Variants in FRMD4B observed in about 807,000 individuals in gnomAD.
FRMD4B encodes the protein FERM domain containing 4B, also known as FERM domain-containing protein 4B.
A neutral mutation model predicts 141.5 loss-of-function variants in FRMD4B; 74 were observed. The ratio of observed to expected loss-of-function variants is 0.52; its 90% CI spans 0.43 to 0.63. The LOEUF is 0.63. Among genes scored for constraint, FRMD4B ranks in the 30% least tolerant of loss-of-function variants. FRMD4B has a pLI of 0.00. For missense variants in FRMD4B, 1,366 were observed against 1,253.4 expected, an observed-to-expected ratio of 1.09 and a Z score of -1.36; for synonymous variants, 506 against 467.9, an observed-to-expected ratio of 1.08 and a Z score of -1.05.
Position 69,187,780 on chromosome 3 carries a change from T to G in FRMD4B, c.1909A>C (p.Arg637=). 1.9e-6 allele frequency: 3 copies of G among 1,612,126 alleles called. No individual in the cohort carries two copies. Among genetic ancestry groups the G allele is most frequent in the Non-Finnish European group, 2.5e-6 (3 of 1,179,130 alleles). ...GATATGACCTCTCACCTGGACTGCCTGGTATCCACAAACTGTTCATTGATG... is the reference window on the plus strand; with the variant it reads ...GATATGACCTCTCACCTGGACTGCCGGGTATCCACAAACTGTTCATTGATG... ...SSINEQFVDT[R]QSREMLSTHS... is the part of the protein sequence containing the mutation. The change falls in exon 19 of 23, where the codon AGG becomes CGG. Residue 637 remains arginine (R), a synonymous_variant. Transcript: ENST00000398540.
intron 5 of FRMD4B, among the ~76,000 whole-genome samples, chr3:69,279,164 T>C (rs1041260826): frequency 6.6e-6 from 1 of 152,120 alleles, no homozygotes; most frequent in Non-Finnish European, 1.5e-5. Context: ...GGAAGGTATA[T>C]TTGCTAAGTA....
chr3:69,502,870 C>T (rs1036119345), intron 1 of FRMD4B, among the ~76,000 whole-genome samples: 2 of 152,096 alleles, frequency 1.3e-5, no homozygotes, highest in South Asian at 2.1e-4. Flanking sequence ...AAAAAGTGGG[C>T]AAAGGATATG....
At chr3:69,204,491 C>A (rs531288394) in intron 11 of FRMD4B, among the ~76,000 whole-genome samples, 1 of 152,266 alleles carries the variant, frequency 6.6e-6, no homozygotes, top group South Asian at 2.1e-4. Flanking sequence ...GTGACTCACA[C>A]GGTGGGGGAT....
intron 1 of FRMD4B, among the ~76,000 whole-genome samples, chr3:69,487,188 A>C (rs954400872): frequency 6.6e-6 from 1 of 152,224 alleles, no homozygotes; most frequent in Non-Finnish European, 1.5e-5. Flanking sequence ...GTGCTGGAGC[A>C]GTCTCATAGA....
chr3:69,444,009 A>G (rs1016253460), intron 1 of FRMD4B, among the ~76,000 whole-genome samples: 2 of 151,794 alleles, frequency 1.3e-5, no homozygotes, highest in South Asian at 2.1e-4. Context: ...TTTGATGACT[A>G]ACTTCACCCA....
intron 21 of FRMD4B, among the ~76,000 whole-genome samples, chr3:69,178,523 T>TA (rs1477538031): frequency 6.6e-6 from 1 of 151,804 alleles, no homozygotes; most frequent in Non-Finnish European, 1.5e-5. Context: ...AAAAATAAAA[T>TA]TAGCCAGGCA....
At chr3:69,429,916 C>T (rs993708228) in intron 2 of FRMD4B, among the ~76,000 whole-genome samples, 20 of 151,870 alleles carry the variant, frequency 1.3e-4, no homozygotes, top group Non-Finnish European at 2.6e-4. Context: ...TGCACCACCA[C>T]GTCTGGCTAA....
In FRMD4B at chr3:69,356,170, AC is replaced by A. The variant is rs75360821; in HGVS notation, c.162+29657del. Among the ~76,000 whole-genome samples the A allele has an allele frequency of 6.7e-3, 1,023 of 152,230 alleles. 42 individuals are homozygous for A. In the East Asian group the frequency reaches 0.13, roughly 19 times the overall value. ...CAAGACTGACCAATAAAATCACTCT[AC>A]CCCCATGTGATGGTTAATACTTAGT... On this transcript the variant is annotated intron_variant, in intron 1 of 22. Transcript: ENST00000398540.
intron 1 of FRMD4B, among the ~76,000 whole-genome samples, chr3:69,381,478 C>T (rs1036409489): frequency 1.3e-5 from 2 of 152,148 alleles, no homozygotes; most frequent in Non-Finnish European, 2.9e-5. Context: ...GCTTTCCTTA[C>T]AAACAAGACT....
At chr3:69,520,077 ATAT>A (rs1355997105) in intron 1 of FRMD4B, among the ~76,000 whole-genome samples, 1 of 135,944 alleles carries the variant, frequency 7.4e-6, no homozygotes, top group Non-Finnish European at 1.5e-5. Flanking sequence ...GAATATATAT[ATAT>A]GATGGAATAT....
chr3:69,243,596 G>C (rs138239744), intron 7 of FRMD4B, among the ~76,000 whole-genome samples: 109 of 152,300 alleles, frequency 7.2e-4, no homozygotes, highest in African/African-American at 2.6e-3. Context: ...TGGAAGTTAC[G>C]CACAGGCAGT....
At chr3:69,457,248 T>C (rs1431163401) in intron 1 of FRMD4B, among the ~76,000 whole-genome samples, 2 of 152,238 alleles carry the variant, frequency 1.3e-5, no homozygotes, top group Non-Finnish European at 2.9e-5. Context: ...AGGATGGTTA[T>C]ATTTTTGTAA....
intron 11 of FRMD4B, among the ~76,000 whole-genome samples, chr3:69,212,381 G>GAAAAAAAAAAAAAAA (rs61444871): frequency 1.0e-5 from 1 of 95,598 alleles, no homozygotes. Flanking sequence ...AAAAAAAAAA[G>GAAAAAAAAAAAAAAA]AAAAAAAAAA....
At chr3:69,476,262 A>G (rs1705995728) in intron 1 of FRMD4B, among the ~76,000 whole-genome samples, 1 of 151,954 alleles carries the variant, frequency 6.6e-6, no homozygotes, top group African/African-American at 2.4e-5. Flanking sequence ...GGTGTTTTAG[A>G]CATGAAGTCC....
At chr3:69,206,841 T>G (rs1328628415) in intron 11 of FRMD4B, among the ~76,000 whole-genome samples, 1 of 93,894 alleles carries the variant, frequency 1.1e-5, no homozygotes, top group Non-Finnish European at 2.3e-5. Flanking sequence ...GTAAATGCAT[T>G]GGGCTTAATA....
At chr3:69,304,375 T>C (rs536484665) in intron 3 of FRMD4B, among the ~76,000 whole-genome samples, 140 of 151,450 alleles carry the variant, frequency 9.2e-4, no homozygotes, top group Middle Eastern at 3.4e-3. Context: ...TCCCAGCTAC[T>C]TGGGAGGCTG....
At chr3:69,476,704 T>G (rs949731200) in intron 1 of FRMD4B, among the ~76,000 whole-genome samples, 4 of 151,262 alleles carry the variant, frequency 2.6e-5, no homozygotes, top group African/African-American at 9.9e-5. Context: ...TTTGGTTCCA[T>G]ATGAACTTTA....
At chr3:69,485,867 A>G (rs1387339008) in intron 1 of FRMD4B, among the ~76,000 whole-genome samples, 1 of 152,262 alleles carries the variant, frequency 6.6e-6, no homozygotes, top group Non-Finnish European at 1.5e-5. Flanking sequence ...CCCTCCCTGC[A>G]GTGGCCAGTG....
chr3:69,264,927 G>A (rs905320989), intron 5 of FRMD4B, among the ~76,000 whole-genome samples: 1 of 152,078 alleles, frequency 6.6e-6, no homozygotes, highest in African/African-American at 2.4e-5. Flanking sequence ...TGTCATATGT[G>A]AATTAATGCT....
Sources: gnomAD v4.1 joint callset for allele counts (sites outside exome capture counted in the v4.1 genomes callset) on GRCh38, gnomAD v4.1.1 for gene constraint, MANE v1.5 for transcripts, NCBI Gene and HGNC (gene_info 2026-07-23, HGNC 2026-07-21) for gene names.